Variants in SPOCK1 observed in about 807,000 individuals in gnomAD.
The protein encoded by SPOCK1 is testican-1.
In SPOCK1, 23 loss-of-function variants were observed where a neutral mutation model predicts 55.3. That is an observed-to-expected ratio of 0.42 (90% CI 0.30 to 0.59). The LOEUF is 0.59. Among genes scored for constraint, SPOCK1 ranks in the 20% least tolerant of loss-of-function variants. The pLI, the probability that SPOCK1 is intolerant of heterozygous loss-of-function variation, is 0.22. For synonymous variants in SPOCK1, 226 were observed against 221.0 expected (o/e 1.02, Z -0.20); for missense variants, 499 against 552.5 (o/e 0.90, Z 0.97).
intron 6 of SPOCK1, among the ~76,000 whole-genome samples, chr5:137,023,064 G>A (rs1016230843): frequency 6.6e-6 from 1 of 152,206 alleles, no homozygotes; most frequent in African/African-American, 2.4e-5. Context: ...CTGACTGCCT[G>A]AGTTTGGATC....
intron 3 of SPOCK1, among the ~76,000 whole-genome samples, chr5:137,194,258 G>A (rs1755252070): frequency 6.6e-6 from 1 of 152,224 alleles, no homozygotes; most frequent in Non-Finnish European, 1.5e-5. Context: ...ATGCTTTGCA[G>A]ATTCAATAGC....
At chr5:137,121,709 A>T (rs1313531552) in intron 4 of SPOCK1, among the ~76,000 whole-genome samples, 1 of 146,686 alleles carries the variant, frequency 6.8e-6, no homozygotes, top group African/African-American at 2.5e-5. Context: ...ATATTTATAA[A>T]ACAGGGATAC....
At chr5:137,146,543 G>A (rs893992361) in intron 3 of SPOCK1, among the ~76,000 whole-genome samples, 6 of 152,274 alleles carry the variant, frequency 3.9e-5, no homozygotes, top group East Asian at 3.9e-4. Context: ...CTTAATGGAC[G>A]ACTGACAAAG....
chr5:137,331,765 C>A (rs958024224), intron 2 of SPOCK1, among the ~76,000 whole-genome samples: 1 of 152,070 alleles, frequency 6.6e-6, no homozygotes, highest in Non-Finnish European at 1.5e-5. Context: ...TCCGCTCCCA[C>A]GATCCAATCA....
chr5:137,168,761 G>A (rs1754695876), intron 3 of SPOCK1, among the ~76,000 whole-genome samples: 1 of 152,086 alleles, frequency 6.6e-6, no homozygotes, highest in Non-Finnish European at 1.5e-5. Context: ...GTAGGAATGT[G>A]AATTAGTGCA....
At chr5:137,246,211 C>T (rs1756392242) in intron 3 of SPOCK1, among the ~76,000 whole-genome samples, 1 of 152,228 alleles carries the variant, frequency 6.6e-6, no homozygotes, top group Non-Finnish European at 1.5e-5. Flanking sequence ...CACTTAATCA[C>T]TGTGTACCCT....
Position 136,978,650 on chromosome 5 carries a change from G to A in SPOCK1, c.*4C>T, listed in dbSNP as rs778508137. 3 of 1,589,942 alleles carry A rather than the reference G, an allele frequency of 1.9e-6. No homozygotes were observed. The highest frequency in any genetic ancestry group is 2.6e-6 in the Non-Finnish European group (3 of 1,170,648). On this transcript the variant is annotated 3_prime_UTR_variant, in exon 11 of 11. Transcript: ENST00000394945. ...CAAAACTTGTGTCCTCTTTCTTGTG[G>A]GCACTACCATATGTACCCGACCTCA...
At chr5:137,118,702 A>G (rs541820200) in intron 4 of SPOCK1, among the ~76,000 whole-genome samples, 31 of 152,334 alleles carry the variant, frequency 2.0e-4, no homozygotes, top group African/African-American at 7.5e-4. Flanking sequence ...TGTCAAAAAT[A>G]TTTTAATAAT....
intron 2 of SPOCK1, among the ~76,000 whole-genome samples, chr5:137,456,853 T>C (rs1487680600): frequency 2.0e-5 from 3 of 152,210 alleles, no homozygotes; most frequent in African/African-American, 7.2e-5. Context: ...AACAGACTAC[T>C]TCAATACAAG....
At chr5:137,075,528 A>G (rs1180707850) in intron 5 of SPOCK1, among the ~76,000 whole-genome samples, 3 of 152,362 alleles carry the variant, frequency 2.0e-5, no homozygotes. Flanking sequence ...GATATCAGCA[A>G]TTAGCTTTGC....
intron 2 of SPOCK1, among the ~76,000 whole-genome samples, chr5:137,428,522 G>A (rs2149828128): frequency 6.6e-6 from 1 of 152,292 alleles, no homozygotes; most frequent in East Asian, 1.9e-4. Flanking sequence ...TTCACTGTTT[G>A]TGTCAACCAT....
rs1296378722 is a variant in SPOCK1 at position 137,339,903 on chromosome 5, A to C, written c.187-72848T>G. 2.0e-5 allele frequency among the ~76,000 whole-genome samples: 3 copies of C among 152,150 alleles called. No homozygotes were observed. In the East Asian group the frequency reaches 5.8e-4, roughly 29 times the overall value. Reference sequence around the variant, plus strand: ...GCTAACCTGGGGACAGCACCCTCTAAGCCTGAGAGCCTGAGGTCTGCCCAC... The same window carrying C: ...GCTAACCTGGGGACAGCACCCTCTACGCCTGAGAGCCTGAGGTCTGCCCAC... On this transcript the variant is annotated intron_variant, in intron 2 of 10. Transcript: ENST00000394945.
At chr5:137,245,863 A>G (rs1756386025) in intron 3 of SPOCK1, among the ~76,000 whole-genome samples, 2 of 152,216 alleles carry the variant, frequency 1.3e-5, no homozygotes, top group South Asian at 4.1e-4. Context: ...CACTGTATAT[A>G]CTGCCTGTCT....
chr5:137,318,337 G>A (rs895572356), intron 2 of SPOCK1, among the ~76,000 whole-genome samples: 2 of 152,070 alleles, frequency 1.3e-5, no homozygotes, highest in Non-Finnish European at 2.9e-5. Flanking sequence ...GGTAGCTGTC[G>A]ACTACCTGAG....
chr5:137,370,869 T>C (rs1751186398), intron 2 of SPOCK1, among the ~76,000 whole-genome samples: 1 of 152,056 alleles, frequency 6.6e-6, no homozygotes, highest in Admixed American at 6.5e-5. Flanking sequence ...GCCTCTGGGG[T>C]GAATGGGCCT....
At chr5:137,459,404 A>T (rs927259896) in intron 2 of SPOCK1, among the ~76,000 whole-genome samples, 1 of 151,532 alleles carries the variant, frequency 6.6e-6, no homozygotes, top group Non-Finnish European at 1.5e-5. Context: ...TGGTTCCAAG[A>T]GCAGAATGTC....
intron 2 of SPOCK1, among the ~76,000 whole-genome samples, chr5:137,334,829 T>C (rs1021594275): frequency 1.3e-5 from 2 of 152,202 alleles, no homozygotes; most frequent in Non-Finnish European, 1.5e-5. Context: ...GCCTTCAGAC[T>C]GTGGTTCCCA....
chr5:137,179,966 C>A (rs1754938760), intron 3 of SPOCK1, among the ~76,000 whole-genome samples: 1 of 152,214 alleles, frequency 6.6e-6, no homozygotes, highest in Non-Finnish European at 1.5e-5. Context: ...CAGAGCGCCA[C>A]AGGAGGTATC....
At chr5:137,142,860 C>T (rs1228821473) in intron 3 of SPOCK1, among the ~76,000 whole-genome samples, 2 of 152,178 alleles carry the variant, frequency 1.3e-5, no homozygotes, top group African/African-American at 2.4e-5. Context: ...CTGCCGCCCA[C>T]GCCAACCCTG....
Sources: gnomAD v4.1 joint callset for allele counts (sites outside exome capture counted in the v4.1 genomes callset) on GRCh38, gnomAD v4.1.1 for gene constraint, MANE v1.5 for transcripts, NCBI Gene and HGNC (gene_info 2026-07-23, HGNC 2026-07-21) for gene names.